Variants in DPY19L3 observed in about 807,000 individuals in gnomAD.
DPY19L3 encodes protein C-mannosyl-transferase DPY19L3.
Under a neutral mutation model 92.3 loss-of-function variants are expected in DPY19L3, and 51 were observed. That is an observed-to-expected ratio of 0.55 (90% CI 0.44 to 0.70). The LOEUF (loss-of-function observed/expected upper bound fraction) is 0.70. Ranked by LOEUF, DPY19L3 falls within the 30% of genes least tolerant of loss-of-function variation. The probability of loss-of-function intolerance (pLI) is 0.00; values close to 1 mark genes in which losing one functional copy is unlikely to be tolerated. For missense variants in DPY19L3, 706 were observed against 855.9 expected (o/e 0.82, Z 2.18); for synonymous variants, 309 against 315.2 (o/e 0.98, Z 0.21).
chr19:32,427,850 G>A (rs1190257213), intron 3 of DPY19L3: 2 of 151,902 alleles, frequency 1.3e-5, no homozygotes, highest in Non-Finnish European at 2.9e-5. Flanking sequence ...ACTATTTCTT[G>A]GTGAGATGAT....
At chr19:32,468,930 C>T (rs1271671533) in intron 16 of DPY19L3, 117 bp downstream of exon 16, 15 of 963,178 alleles carry the variant, frequency 1.6e-5, no homozygotes, top group Admixed American at 6.7e-5. Flanking sequence ...AAGAAACATT[C>T]GTCCTTACTA....
At position 32,463,577 on chromosome 19, in the gene DPY19L3, C is replaced by T. The variant is rs1970108064; in HGVS notation, c.1445+89C>T. ...TAATTTGGAAAGTGACAATCATCTT[C>T]ATTAATGATCATGGTTCCCATAAAA... On this transcript the variant is annotated intron_variant, in intron 13 of 18. Transcript: ENST00000392250. 40 of 1,402,060 alleles carry T rather than the reference C, an allele frequency of 2.9e-5. 1 individual carries two copies. In the South Asian group the frequency reaches 5.2e-4, roughly 18 times the overall value. 86.9% of individuals were successfully genotyped at this position (1,402,060 alleles called of 1,614,324 possible). A position where few individuals can be genotyped will look rare whatever the true frequency, so the allele number is the denominator to read the frequency against.
At chr19:32,415,532 A>G (rs1049348508) in intron 3 of DPY19L3, among the ~76,000 whole-genome samples, 1 of 152,076 alleles carries the variant, frequency 6.6e-6, no homozygotes, top group Non-Finnish European at 1.5e-5. Flanking sequence ...CAAAGATAGA[A>G]CTCTCTCTGA....
At chr19:32,477,680 G>A (rs201041010) in intron 17 of DPY19L3, 26 bp downstream of exon 17, 28 of 1,612,932 alleles carry the variant, frequency 1.7e-5, no homozygotes, top group Admixed American at 5.0e-5. Flanking sequence ...GCCTCCCCTC[G>A]CTTCTTGTGG....
chr19:32,474,142 A>G (rs1246987171), intron 16 of DPY19L3, among the ~76,000 whole-genome samples: 3 of 152,218 alleles, frequency 2.0e-5, no homozygotes, highest in Non-Finnish European at 4.4e-5. Flanking sequence ...GCATGAGGAT[A>G]TATGTATTTT....
intron 2 of DPY19L3, among the ~76,000 whole-genome samples, chr19:32,409,538 T>C (rs1423342080): frequency 6.6e-6 from 1 of 152,196 alleles, no homozygotes; most frequent in Non-Finnish European, 1.5e-5. Flanking sequence ...TCCATTTCTG[T>C]TGCTATAAAG....
intron 3 of DPY19L3, among the ~76,000 whole-genome samples, chr19:32,423,513 C>G (rs754166101): frequency 4.0e-5 from 6 of 150,956 alleles, no homozygotes; most frequent in Non-Finnish European, 7.4e-5. Context: ...AGTCCATCCA[C>G]TTCTGCCTCC....
At chr19:32,433,522 G>T (rs1599617269) in intron 4 of DPY19L3, among the ~76,000 whole-genome samples, 1 of 152,132 alleles carries the variant, frequency 6.6e-6, no homozygotes, top group Admixed American at 6.5e-5. Context: ...GCCTCAAGCA[G>T]TCCTCCTGCC....
chr19:32,442,033 A>G (rs1415925946), intron 8 of DPY19L3, among the ~76,000 whole-genome samples: 1 of 152,246 alleles, frequency 6.6e-6, no homozygotes, highest in Non-Finnish European at 1.5e-5. Context: ...TCAGGTCTGA[A>G]AATAACTGGC....
chr19:32,445,711 AC>A (rs1329684309), intron 8 of DPY19L3, among the ~76,000 whole-genome samples: 2 of 152,158 alleles, frequency 1.3e-5, no homozygotes, highest in African/African-American at 4.8e-5. Flanking sequence ...TTTCTAAATT[AC>A]GTTTGAGGCT....
chr19:32,480,647 A>G, intron 18 of DPY19L3, 90 bp downstream of exon 18: 1 of 1,429,456 alleles, frequency 7.0e-7, no homozygotes, highest in South Asian at 1.4e-5. Flanking sequence ...TTTATCCTTA[A>G]TGTCTAGTTG....
intron 6 of DPY19L3, 65 bp downstream of exon 6, chr19:32,437,404 T>A: frequency 6.5e-7 from 1 of 1,541,470 alleles, no homozygotes; most frequent in Non-Finnish European, 8.8e-7. Flanking sequence ...TCACTTCATT[T>A]CCAGCTCAGA....
chr19:32,412,515 G>A (rs558087382), intron 3 of DPY19L3: 1 of 151,418 alleles, frequency 6.6e-6, no homozygotes, highest in African/African-American at 2.4e-5. Flanking sequence ...GGGTCTAAAT[G>A]TGGCTCCACA....
chr19:32,460,891 T>TG (rs1245153118), intron 12 of DPY19L3, among the ~76,000 whole-genome samples: 1 of 150,638 alleles, frequency 6.6e-6, no homozygotes, highest in Non-Finnish European at 1.5e-5. Context: ...TGTTTTGAAA[T>TG]GCATCTCGCT....
At chr19:32,436,728 A>G (rs956022619) in intron 5 of DPY19L3, among the ~76,000 whole-genome samples, 161 bp downstream of exon 5, 2 of 152,190 alleles carry the variant, frequency 1.3e-5, no homozygotes, top group African/African-American at 4.8e-5. Flanking sequence ...TTTATAAGAT[A>G]CTGCTTTTTA....
chr19:32,455,050 T>C lies in DPY19L3; in HGVS notation c.1089+10T>C. On this transcript the variant is annotated intron_variant, in intron 10 of 18. Transcript: ENST00000392250. ...CAACAACATAATTAAGGTAAGTTAA[T>C]AAAAATGACATGTTTAATGTATTTT... 1 of 1,445,280 alleles carries C rather than the reference T, an allele frequency of 6.9e-7. No homozygotes were observed. The highest frequency in any genetic ancestry group is 9.4e-7 in the Non-Finnish European group (1 of 1,065,248). The allele number at this position is 1,445,280 out of a possible 1,614,324, so 89.5% of individuals were successfully genotyped here. A position where few individuals can be genotyped will look rare whatever the true frequency, so the allele number is the denominator to read the frequency against.
chr19:32,434,041 A>T (rs559113591), intron 4 of DPY19L3, among the ~76,000 whole-genome samples: 3 of 152,200 alleles, frequency 2.0e-5, no homozygotes, highest in Non-Finnish European at 4.4e-5. Context: ...AGTACAGTTT[A>T]TACAAGAAAA....
At chr19:32,464,664 C>A in intron 14 of DPY19L3, 64 bp from the exon 15 acceptor site, 1 of 1,046,992 alleles carries the variant, frequency 9.6e-7, no homozygotes, top group African/African-American at 1.7e-5. Context: ...ATAGCAAGAC[C>A]CTGTCTCTCA....
intron 16 of DPY19L3, among the ~76,000 whole-genome samples, chr19:32,471,393 C>T (rs1346559330): frequency 6.6e-6 from 1 of 152,220 alleles, no homozygotes; most frequent in Admixed American, 6.5e-5. Context: ...ATCATCACGG[C>T]ATCTATCGGA....
Sources: allele counts gnomAD v4.1 joint callset (sites outside exome capture counted in the v4.1 genomes callset), GRCh38; gene constraint gnomAD v4.1.1; transcripts MANE v1.5; gene names NCBI Gene and HGNC (gene_info 2026-07-23, HGNC 2026-07-21).